Variants in DSG1 observed in about 807,000 individuals in gnomAD.
DSG1 encodes desmoglein 1.
A neutral mutation model predicts 97.5 loss-of-function variants in DSG1; 39 were observed. The observed-to-expected ratio is 0.40, with a 90% CI of 0.31 to 0.52. The LOEUF is 0.52. DSG1 is among the 20% of genes least tolerant of loss of function. DSG1 has a pLI of 0.53. For synonymous variants in DSG1, 475 were observed against 443.4 expected (o/e 1.07, Z -0.90); for missense variants, 1,311 against 1,295.4 (o/e 1.01, Z -0.18).
chr18:31,333,358 T>C (rs1370190923), intron 6 of DSG1, among the ~76,000 whole-genome samples: 1 of 152,180 alleles, frequency 6.6e-6, no homozygotes, highest in Non-Finnish European at 1.5e-5. Flanking sequence ...GACATATTAT[T>C]ATTAATAAGA....
intron 14 of DSG1, among the ~76,000 whole-genome samples, chr18:31,351,929 C>T (rs1421574344): frequency 6.6e-6 from 1 of 151,232 alleles, no homozygotes; most frequent in Non-Finnish European, 1.5e-5. Context: ...ATCCAATTTG[C>T]CAGTCTGTGT....
At position 31,354,077 on chromosome 18, in the gene DSG1, T is replaced by G; in HGVS notation, c.2101-220T>G. On this transcript the variant is annotated intron_variant, in intron 14 of 14. Coordinates refer to ENST00000257192, the MANE Select transcript of DSG1 (RefSeq NM_001942.4). ...ATAAATAAGTCCATCTAAGTAAATT[T>G]TTAAAATCATAGTATTAGAATTATA... 1.3e-5 allele frequency: 7 copies of G among 541,150 alleles called. No homozygotes were observed. The South Asian group carries it at 1.6e-4, about 13-fold the overall frequency. The allele number at this position is 541,150 out of a possible 1,614,324, so 33.5% of individuals were successfully genotyped here. A position where few individuals can be genotyped will look rare whatever the true frequency, so the allele number is the denominator to read the frequency against.
Position 31,346,089 on chromosome 18 carries a change from G to T in DSG1, c.1991G>T (p.Gly664Val), listed in dbSNP as rs570598771. 109 of 1,613,798 alleles carry T rather than the reference G, an allele frequency of 6.8e-5. 2 individuals are homozygous for T. The South Asian group carries it at 1.2e-3, about 17-fold the overall frequency. ...FELTEGVKTS[G>V]MPEICQEYSG... is the part of the protein sequence containing the mutation. ...CTAACAGAGGGAGTTAAAACTTCAG[G>T]AATGCCTGAGATATGTCAAGAATAC... Residue 664 changes from glycine to valine, a missense_variant, in exon 14 of 15, where the codon GGA becomes GTA. Gly to Val is a moderately radical substitution (Grantham distance 109). Coordinates refer to ENST00000257192, the MANE Select transcript of DSG1 (RefSeq NM_001942.4).
chr18:31,339,958 A>T lies in DSG1; in HGVS notation c.1620A>T (p.Leu540Phe). Residue 540 changes from leucine (L) to phenylalanine (F), a missense_variant, in exon 11 of 15, where the codon TTA (leucine) becomes TTT (phenylalanine). Around this residue, in one of 3 missense-constraint regions of DSG1, gnomAD observed 1,038 missense variants for 964.6 expected, o/e 1.08. Coordinates refer to ENST00000257192, the MANE Select transcript of DSG1 (RefSeq NM_001942.4). Reference protein sequence around the residue: ...SEPGNGAKDLLSDNVHFGPAG... With the variant: ...SEPGNGAKDLFSDNVHFGPAG... ...CCGGAAACGGAGCCAAAGATTTGTTATCAGACAATGTACATTTTGGTCCTG... is the reference window on the plus strand; with the variant it reads ...CCGGAAACGGAGCCAAAGATTTGTTTTCAGACAATGTACATTTTGGTCCTG... 1 of 1,614,114 alleles carries T rather than the reference A, an allele frequency of 6.2e-7. No homozygotes were observed. Among genetic ancestry groups the T allele is most frequent in the Non-Finnish European group, 8.5e-7 (1 of 1,179,996 alleles).
In DSG1 at chr18:31,336,777, T is replaced by G. The variant is rs149582696; in HGVS notation, c.1265+164T>G. The stretch of plus-strand genomic sequence containing the variant: ...AACTGTGCATTTAAAATGTTTAACT[T>G]AAGAAAACATAAAAATTCATGCAAG... On this transcript the variant is annotated intron_variant, in intron 9 of 14. Coordinates refer to ENST00000257192, the MANE Select transcript of DSG1 (RefSeq NM_001942.4). Among the ~76,000 whole-genome samples the G allele has an allele frequency of 7.2e-5, 11 of 152,320 alleles. No homozygotes were observed. In the East Asian group the frequency reaches 1.9e-3, roughly 27 times the overall value.
intron 11 of DSG1, among the ~76,000 whole-genome samples, chr18:31,340,269 C>G (rs1267019143): frequency 6.6e-6 from 1 of 151,756 alleles, no homozygotes; most frequent in Admixed American, 6.6e-5. Context: ...AGTGCCATAA[C>G]AAGCAGGCTC....
chr18:31,354,063 C>T, intron 14 of DSG1: 1 of 511,826 alleles, frequency 2.0e-6, no homozygotes, highest in Admixed American at 3.3e-5. Context: ...TAAATAAGTC[C>T]ATCTAAGTAA....
intron 10 of DSG1, among the ~76,000 whole-genome samples, 185 bp downstream of exon 10, chr18:31,338,639 T>C (rs996695462): frequency 6.6e-6 from 1 of 152,188 alleles, no homozygotes; most frequent in African/African-American, 2.4e-5. Context: ...CCATGAGTCC[T>C]GAAATGAGAC....
chr18:31,347,372 A>T (rs944905834), intron 14 of DSG1, among the ~76,000 whole-genome samples: 2 of 151,882 alleles, frequency 1.3e-5, no homozygotes, highest in Admixed American at 1.3e-4. Flanking sequence ...AACAGCACCC[A>T]TCACTTTCTT....
intron 14 of DSG1, chr18:31,353,844 G>A (rs1011680917): frequency 5.2e-5 from 11 of 213,332 alleles, no homozygotes; most frequent in South Asian, 2.1e-4. Flanking sequence ...CACAGTGGAC[G>A]CACCCACTGA....
At position 31,339,926 on chromosome 18, in the gene DSG1, T is replaced by C. The variant is rs1399294067; in HGVS notation, c.1588T>C (p.Ser530Pro). 1 of 1,614,004 alleles carries C rather than the reference T, an allele frequency of 6.2e-7. No homozygotes were observed. The highest frequency in any genetic ancestry group is 1.3e-5 in the African/African-American group (1 of 74,932). Residue 530 changes from serine to proline, a missense_variant, in exon 11 of 15, where the codon TCT (serine) becomes CCT (proline). Physicochemically the swap from Ser to Pro is moderately conservative, Grantham distance 74. This residue lies in a region of DSG1 where 1,038 missense variants were observed against 964.6 expected (regional missense o/e 1.08). Transcript: ENST00000257192. ...TACTGACTCTAGCCAAGTATATTCT[T>C]CTGAACCCGGAAACGGAGCCAAAGA... is the stretch of plus-strand genomic sequence containing the variant. ...TSTDSSQVYS[S>P]EPGNGAKDLL... is the part of the protein sequence containing the mutation.
At chr18:31,333,103 G>C (rs1456816300) in intron 6 of DSG1, among the ~76,000 whole-genome samples, 1 of 152,136 alleles carries the variant, frequency 6.6e-6, no homozygotes, top group East Asian at 1.9e-4. Context: ...GATTTTACCA[G>C]CTTCTAGAAA....
intron 1 of DSG1, among the ~76,000 whole-genome samples, chr18:31,319,221 C>G (rs754176706): frequency 7.2e-5 from 11 of 152,124 alleles, no homozygotes; most frequent in Non-Finnish European, 1.5e-4. Flanking sequence ...ATTGTAATCT[C>G]TCTCATAGTA....
At chr18:31,351,645 T>C (rs1211054307) in intron 14 of DSG1, among the ~76,000 whole-genome samples, 1 of 151,654 alleles carries the variant, frequency 6.6e-6, no homozygotes, top group Non-Finnish European at 1.5e-5. Flanking sequence ...TTATGAATCT[T>C]GGTGCTCCTG....
intron 14 of DSG1, among the ~76,000 whole-genome samples, chr18:31,351,807 T>G (rs1314750561): frequency 6.6e-6 from 1 of 151,890 alleles, no homozygotes; most frequent in Non-Finnish European, 1.5e-5. Context: ...CCTTTTTTTG[T>G]TTTCCATTGG....
intron 10 of DSG1, 44 bp from the exon 11 acceptor site, chr18:31,339,700 A>G: frequency 2.0e-6 from 3 of 1,482,136 alleles, no homozygotes; most frequent in Non-Finnish European, 2.8e-6. Flanking sequence ...CCATTCCTAC[A>G]CTAAATGTCT....
At chr18:31,353,726 C>T (rs1418187879) in intron 14 of DSG1, among the ~76,000 whole-genome samples, 5 of 151,566 alleles carry the variant, frequency 3.3e-5, no homozygotes, top group South Asian at 2.1e-4. Context: ...GGGAGTGACC[C>T]GATTTTCCAG....
chr18:31,357,387 A>G lies in DSG1; in HGVS notation c.*2041A>G, dbSNP rs1390706998. Reference sequence around the variant, plus strand: ...ATAAAGTCAAAAGGTATTTATTAAGACATACTTGAGTATGCCTGGGTCCAG... The same window carrying G: ...ATAAAGTCAAAAGGTATTTATTAAGGCATACTTGAGTATGCCTGGGTCCAG... On this transcript the variant is annotated 3_prime_UTR_variant, in exon 15 of 15. Coordinates refer to ENST00000257192, the MANE Select transcript of DSG1 (RefSeq NM_001942.4). 6.6e-6 allele frequency among the ~76,000 whole-genome samples: 1 copy of G among 152,092 alleles called. No individual in the cohort carries two copies. Among genetic ancestry groups the G allele is most frequent in the Non-Finnish European group, 1.5e-5 (1 of 67,928 alleles).
At position 31,338,354 on chromosome 18, in the gene DSG1, T is replaced by C; in HGVS notation, c.1305T>C (p.Val435=). Reference sequence around the variant, plus strand: ...ATAATCCAGCTGACCTGCTAGCTGTTGATTCAAGAACAGGCAAACTCACTT... The same window carrying C: ...ATAATCCAGCTGACCTGCTAGCTGTCGATTCAAGAACAGGCAAACTCACTT... ...MGNNPADLLA[V]DSRTGKLTLK... is the part of the protein sequence containing the mutation. The change falls in exon 10 of 15, where the codon GTT becomes GTC. Residue 435 remains valine, a synonymous_variant. Coordinates refer to ENST00000257192, the MANE Select transcript of DSG1 (RefSeq NM_001942.4). 6.2e-7 allele frequency: 1 copy of C among 1,613,866 alleles called. No homozygotes were observed. Among genetic ancestry groups the C allele is most frequent in the Non-Finnish European group, 8.5e-7 (1 of 1,179,858 alleles).
Sources: gnomAD v4.1 joint callset for allele counts (sites outside exome capture counted in the v4.1 genomes callset) on GRCh38, gnomAD v4.1.1 for gene constraint, gnomAD v4.1.1 regional missense constraint, MANE v1.5 for transcripts, NCBI Gene and HGNC (gene_info 2026-07-23, HGNC 2026-07-21) for gene names.